The following USP13 variants were observed in gnomAD, a reference collection of about 807,000 sequenced individuals.
The protein encoded by USP13 is ubiquitin specific peptidase 13.
A neutral mutation model predicts 107.8 loss-of-function variants in USP13; 68 were observed. That is an observed-to-expected ratio of 0.63 (90% CI 0.52 to 0.77). USP13 has a LOEUF of 0.77. USP13 is among the 30% of genes least tolerant of loss of function. USP13 has a pLI of 0.00. For synonymous variants in USP13, 377 were observed against 389.5 expected, an observed-to-expected ratio of 0.97 and a Z score of 0.38; for missense variants, 945 against 1,093.3, an observed-to-expected ratio of 0.86 and a Z score of 1.91.
At chr3:179,730,070 AG>A (rs1713744454) in intron 8 of USP13, 118 bp from the exon 9 acceptor site, 4 of 879,298 alleles carry the variant, frequency 4.5e-6, no homozygotes, top group Non-Finnish European at 7.2e-6. Context: ...ACTTTTCTTC[AG>A]GTAGATTGTT....
intron 3 of USP13, among the ~76,000 whole-genome samples, chr3:179,695,275 G>A (rs1292038843): frequency 6.6e-6 from 1 of 152,202 alleles, no homozygotes. Context: ...CTTGGGTGGA[G>A]GTGTTTTATT....
chr3:179,675,979 C>T (rs1720881576), intron 1 of USP13, among the ~76,000 whole-genome samples: 2 of 152,160 alleles, frequency 1.3e-5, no homozygotes, highest in South Asian at 4.1e-4. Context: ...TTCCCATAAT[C>T]CCCACATGTC....
At chr3:179,734,170 A>G (rs534238398) in intron 10 of USP13, among the ~76,000 whole-genome samples, 1 of 152,338 alleles carries the variant, frequency 6.6e-6, no homozygotes, top group South Asian at 2.1e-4. Flanking sequence ...AGCTTTTTAT[A>G]TATGCATGCT....
At chr3:179,780,840 A>C (rs1386470260) in intron 19 of USP13, among the ~76,000 whole-genome samples, 6 of 152,250 alleles carry the variant, frequency 3.9e-5, no homozygotes, top group Non-Finnish European at 8.8e-5. Flanking sequence ...AATGTAGTAA[A>C]AGTGGAGCAC....
chr3:179,751,160 G>A (rs1285380361), intron 13 of USP13, among the ~76,000 whole-genome samples: 1 of 152,154 alleles, frequency 6.6e-6, no homozygotes, highest in Non-Finnish European at 1.5e-5. Context: ...AAAACAAAAT[G>A]ATAAATGTGG....
At chr3:179,715,877 T>C (rs1713096716) in intron 6 of USP13, among the ~76,000 whole-genome samples, 1 of 152,154 alleles carries the variant, frequency 6.6e-6, no homozygotes, top group Non-Finnish European at 1.5e-5. Context: ...GCTTTTTCTC[T>C]CCATTTGTGA....
chr3:179,694,872 C>T (rs2108468513), intron 3 of USP13, among the ~76,000 whole-genome samples: 1 of 152,020 alleles, frequency 6.6e-6, no homozygotes, highest in South Asian at 2.1e-4. Flanking sequence ...GTCTAATCTC[C>T]CAGCAGAGTC....
At position 179,653,147 on chromosome 3, in the gene USP13, T is replaced by TCGCTGG. The variant is rs1720133276; in HGVS notation, c.-75_-70dup. 3 of 1,035,840 alleles carry TCGCTGG rather than the reference T, an allele frequency of 2.9e-6. No individual in the cohort carries two copies. In the South Asian group the frequency reaches 1.3e-4, roughly 46 times the overall value. The allele number at this position is 1,035,840 out of a possible 1,614,324, so 64.2% of individuals were successfully genotyped here. On this transcript the variant is annotated 5_prime_UTR_variant, in exon 1 of 21. Coordinates refer to ENST00000263966, the MANE Select transcript of USP13 (RefSeq NM_003940.3). The surrounding 1 kb of genome is among the most constrained non-coding windows in gnomAD (Gnocchi z 4.0). ...CCGCGCAGCCCGCCCGTCAGCCCGC[T>TCGCTGG]CGCTGGCGCCGCCGCCGCCGGCAGA... is the stretch of plus-strand genomic sequence containing the variant.
chr3:179,781,192 G>A (rs1212112085), intron 19 of USP13, among the ~76,000 whole-genome samples: 1 of 152,176 alleles, frequency 6.6e-6, no homozygotes, highest in Non-Finnish European at 1.5e-5. Flanking sequence ...TTATAATCAT[G>A]AGCAAGTGAA....
At chr3:179,685,775 C>G (rs1007053597) in intron 2 of USP13, among the ~76,000 whole-genome samples, 1 of 152,196 alleles carries the variant, frequency 6.6e-6, no homozygotes, top group African/African-American at 2.4e-5. Flanking sequence ...ATGTTTCACT[C>G]TCTGACCAAA....
At chr3:179,719,085 A>T (rs1454100652) in intron 6 of USP13, among the ~76,000 whole-genome samples, 1 of 152,108 alleles carries the variant, frequency 6.6e-6, no homozygotes, top group Non-Finnish European at 1.5e-5. Context: ...CCCCACTTTG[A>T]GAAGCCAGGT....
intron 1 of USP13, among the ~76,000 whole-genome samples, chr3:179,670,752 C>A (rs1720725739): frequency 6.6e-6 from 1 of 151,940 alleles, no homozygotes. Flanking sequence ...GGCTGGAGTG[C>A]AGTGGCATGA....
intron 1 of USP13, among the ~76,000 whole-genome samples, chr3:179,657,679 G>A (rs766647280): frequency 2.8e-5 from 4 of 142,026 alleles, no homozygotes; most frequent in African/African-American, 5.3e-5. Context: ...CAGGAGAATC[G>A]CTTGAACCTG....
chr3:179,722,065 C>CAAA (rs113098896), intron 8 of USP13, among the ~76,000 whole-genome samples: 3 of 127,722 alleles, frequency 2.3e-5, no homozygotes, highest in African/African-American at 9.2e-5. Flanking sequence ...GAATCTGTCT[C>CAAA]AAAAAAAAAA....
intron 1 of USP13, among the ~76,000 whole-genome samples, chr3:179,674,650 G>T (rs537527910): frequency 1.3e-5 from 2 of 151,578 alleles, no homozygotes; most frequent in East Asian, 3.9e-4. Flanking sequence ...TCTCGGGCCT[G>T]TACCCAGAGG....
intron 8 of USP13, among the ~76,000 whole-genome samples, chr3:179,726,454 T>A (rs989595056): frequency 2.0e-5 from 3 of 152,004 alleles, no homozygotes; most frequent in African/African-American, 7.3e-5. Flanking sequence ...AAGTAGAGGG[T>A]GTGAAATAGG....
intron 1 of USP13, among the ~76,000 whole-genome samples, chr3:179,666,251 G>A (rs907746147): frequency 6.6e-6 from 1 of 152,190 alleles, no homozygotes; most frequent in African/African-American, 2.4e-5. Flanking sequence ...TGAGGAATAG[G>A]TGGGAGTGGC....
intron 17 of USP13, among the ~76,000 whole-genome samples, chr3:179,762,580 AAAATAAT>A (rs1407018729): frequency 6.6e-6 from 1 of 152,116 alleles, no homozygotes; most frequent in Non-Finnish European, 1.5e-5. Flanking sequence ...GACTCCATCT[AAAATAAT>A]AATAATAATA....
intron 10 of USP13, among the ~76,000 whole-genome samples, chr3:179,739,117 C>G (rs886913748): frequency 3.9e-5 from 6 of 152,316 alleles, no homozygotes; most frequent in African/African-American, 1.4e-4. Context: ...TTCCCTGATG[C>G]TCTGTCCAGC....
Sources: allele counts gnomAD v4.1 joint callset (sites outside exome capture counted in the v4.1 genomes callset), GRCh38; gene constraint gnomAD v4.1.1; non-coding constraint Gnocchi (gnomAD v3.1); transcripts MANE v1.5; gene names NCBI Gene and HGNC (gene_info 2026-07-23, HGNC 2026-07-21).